The following DNAJC1 variants were observed in gnomAD, a reference collection of about 807,000 sequenced individuals.
DNAJC1 encodes dnaJ homolog subfamily C member 1.
A neutral mutation model predicts 76.6 loss-of-function variants in DNAJC1; 58 were observed. That is an observed-to-expected ratio of 0.76 (90% CI 0.61 to 0.94). The LOEUF (loss-of-function observed/expected upper bound fraction) is 0.94, where lower values mean the gene tolerates loss of function less well. Ranked by LOEUF, DNAJC1 falls within the 40% of genes least tolerant of loss-of-function variation. The probability of loss-of-function intolerance (pLI) is 0.00; values close to 1 mark genes in which losing one functional copy is unlikely to be tolerated. For synonymous variants in DNAJC1, 258 were observed against 267.9 expected (o/e 0.96, Z 0.36); for missense variants, 689 against 677.3 (o/e 1.02, Z -0.19).
intron 1 of DNAJC1, among the ~76,000 whole-genome samples, chr10:21,978,340 CTAA>C (rs1352721562): frequency 1.3e-5 from 2 of 152,086 alleles, no homozygotes; most frequent in Non-Finnish European, 2.9e-5. Context: ...TTTTGTAGAA[CTAA>C]TACACTGATA....
chr10:21,839,879 A>G (rs1195796071), intron 8 of DNAJC1, among the ~76,000 whole-genome samples: 2 of 152,252 alleles, frequency 1.3e-5, no homozygotes, highest in African/African-American at 2.4e-5. Context: ...CAAATCCAGC[A>G]GCACATCAAA....
At position 21,961,836 on chromosome 10, in the gene DNAJC1, C is replaced by T. The variant is rs931692812; in HGVS notation, c.223-32695G>A. ...GGCATCTGAAGTCACTGGGACCTGA[C>T]GCCTCATTATCTCTCTGAACTCATA... On this transcript the variant is annotated intron_variant, in intron 1 of 11. Transcript: ENST00000376980. Among the ~76,000 whole-genome samples the T allele has an allele frequency of 4.9e-4, 74 of 152,240 alleles. 1 individual carries two copies. The highest frequency in any genetic ancestry group is 1.6e-3 in the African/African-American group (67 of 41,550).
intron 6 of DNAJC1, among the ~76,000 whole-genome samples, chr10:21,911,216 T>C (rs1343505166): frequency 1.3e-5 from 2 of 151,922 alleles, no homozygotes; most frequent in African/African-American, 4.8e-5. Context: ...CTAGAAACAA[T>C]ATAGAGGATG....
At chr10:21,966,541 G>A (rs1052485417) in intron 1 of DNAJC1, among the ~76,000 whole-genome samples, 1 of 151,026 alleles carries the variant, frequency 6.6e-6, no homozygotes, top group African/African-American at 2.4e-5. Flanking sequence ...ATTTATGTAG[G>A]TATAAATTCA....
chr10:21,790,818 C>T (rs1389640824), intron 9 of DNAJC1, among the ~76,000 whole-genome samples: 2 of 151,984 alleles, frequency 1.3e-5, no homozygotes, highest in African/African-American at 4.8e-5. Context: ...AAAAAAGATA[C>T]CTAAAACAAC....
At chr10:21,968,560 T>G (rs1413428595) in intron 1 of DNAJC1, among the ~76,000 whole-genome samples, 2 of 151,416 alleles carry the variant, frequency 1.3e-5, no homozygotes, top group Non-Finnish European at 2.9e-5. Flanking sequence ...CAGGCTGGAG[T>G]GCAGTGGCAC....
chr10:21,872,294 G>A (rs1468136247), intron 8 of DNAJC1, among the ~76,000 whole-genome samples: 2 of 151,874 alleles, frequency 1.3e-5, no homozygotes, highest in South Asian at 2.1e-4. Context: ...GGTCTCAAAC[G>A]CCTGACCTCC....
chr10:21,996,129 A>C (rs2131851380), intron 1 of DNAJC1, among the ~76,000 whole-genome samples: 1 of 152,310 alleles, frequency 6.6e-6, no homozygotes, highest in East Asian at 1.9e-4. Flanking sequence ...CCAATCAGAA[A>C]TCTCTCTTTC....
intron 1 of DNAJC1, among the ~76,000 whole-genome samples, chr10:21,989,254 T>C (rs1330289902): frequency 2.0e-5 from 3 of 152,154 alleles, no homozygotes; most frequent in Non-Finnish European, 4.4e-5. Context: ...AATGTAGCTT[T>C]TAAAAATGTT....
At chr10:21,912,442 T>C (rs1481857009) in intron 6 of DNAJC1, among the ~76,000 whole-genome samples, 2 of 152,208 alleles carry the variant, frequency 1.3e-5, no homozygotes, top group African/African-American at 4.8e-5. Context: ...TTGCATAAGA[T>C]GCAAGGATTT....
At chr10:21,935,671 C>A (rs570256925) in intron 1 of DNAJC1, among the ~76,000 whole-genome samples, 1 of 152,108 alleles carries the variant, frequency 6.6e-6, no homozygotes, top group African/African-American at 2.4e-5. Flanking sequence ...AAGAGATCCA[C>A]ACCTAGAAAC....
intron 1 of DNAJC1, among the ~76,000 whole-genome samples, chr10:21,966,560 T>A (rs1313605832): frequency 6.6e-6 from 1 of 152,132 alleles, no homozygotes; most frequent in Non-Finnish European, 1.5e-5. Flanking sequence ...CATGGATATT[T>A]ATTTTATCCT....
At chr10:21,825,197 C>T (rs1017291891) in intron 8 of DNAJC1, among the ~76,000 whole-genome samples, 1 of 152,310 alleles carries the variant, frequency 6.6e-6, no homozygotes, top group Admixed American at 6.5e-5. Context: ...CAAACTGAAA[C>T]TCTATACTTA....
At chr10:21,932,415 A>C (rs1837243053) in intron 1 of DNAJC1, among the ~76,000 whole-genome samples, 1 of 152,224 alleles carries the variant, frequency 6.6e-6, no homozygotes, top group Non-Finnish European at 1.5e-5. Flanking sequence ...GCATGTCAGC[A>C]AAAAACAGCA....
intron 1 of DNAJC1, among the ~76,000 whole-genome samples, chr10:21,986,244 A>G (rs1838245476): frequency 2.0e-5 from 3 of 152,102 alleles, no homozygotes; most frequent in Admixed American, 2.0e-4. Flanking sequence ...CTGTTTTCCA[A>G]AGTAGTTGCA....
intron 8 of DNAJC1, among the ~76,000 whole-genome samples, chr10:21,835,903 C>T (rs1835444842): frequency 6.6e-6 from 1 of 152,200 alleles, no homozygotes; most frequent in Admixed American, 6.5e-5. Context: ...AAACACTCTG[C>T]AGGATACTGT....
chr10:21,781,371 G>T (rs1400918319), intron 9 of DNAJC1, among the ~76,000 whole-genome samples: 2 of 152,160 alleles, frequency 1.3e-5, no homozygotes, highest in Non-Finnish European at 2.9e-5. Context: ...TAAAAGAACA[G>T]AAATTATAAC....
intron 8 of DNAJC1, among the ~76,000 whole-genome samples, chr10:21,816,599 G>A (rs1399490941): frequency 1.3e-5 from 2 of 148,518 alleles, no homozygotes; most frequent in Non-Finnish European, 3.0e-5. Context: ...AGGCTGGAGT[G>A]CAGTGGTGCG....
intron 1 of DNAJC1, among the ~76,000 whole-genome samples, chr10:21,989,124 A>G (rs1171020563): frequency 6.6e-6 from 1 of 152,228 alleles, no homozygotes; most frequent in Non-Finnish European, 1.5e-5. Context: ...GTCTCTTTCA[A>G]TGCCTAATAG....
Sources: allele counts gnomAD v4.1 joint callset (sites outside exome capture counted in the v4.1 genomes callset), GRCh38; gene constraint gnomAD v4.1.1; transcripts MANE v1.5; gene names NCBI Gene and HGNC (gene_info 2026-07-23, HGNC 2026-07-21).